The following FBXL17 variants were observed in gnomAD, a reference collection of about 807,000 sequenced individuals.
FBXL17 encodes the protein F-box/LRR-repeat protein 17.
A neutral mutation model predicts 66.2 loss-of-function variants in FBXL17; 22 were observed. That is an observed-to-expected ratio of 0.33 (90% CI 0.24 to 0.47). The LOEUF is 0.47. Ranked by LOEUF, FBXL17 falls within the 20% of genes least tolerant of loss-of-function variation. The probability of loss-of-function intolerance (pLI) is 1.00; values close to 1 mark genes in which losing one functional copy is unlikely to be tolerated. For missense variants in FBXL17, 878 were observed against 948.2 expected (o/e 0.93, Z 0.97); for synonymous variants, 474 against 400.5 (o/e 1.18, Z -2.19).
intron 6 of FBXL17, among the ~76,000 whole-genome samples, chr5:108,030,965 GA>G (rs1746601469): frequency 6.6e-6 from 1 of 152,044 alleles, no homozygotes; most frequent in African/African-American, 2.4e-5. Context: ...ATCTTTTATT[GA>G]AAGGTAAGCA....
rs1270213298 is a variant in FBXL17, at chr5:107,859,706, C to A, written c.*2014G>T. 6.6e-6 allele frequency: 1 copy of A among 151,924 alleles called. No individual in the cohort carries two copies. Among genetic ancestry groups the A allele is most frequent in the Admixed American group, 6.6e-5 (1 of 15,242 alleles). The allele number at this position is 151,924 out of a possible 1,614,324, so 9.4% of individuals were successfully genotyped here. A position where few individuals can be genotyped will look rare whatever the true frequency, so the allele number is the denominator to read the frequency against. On this transcript the variant is annotated 3_prime_UTR_variant, in exon 9 of 9. Coordinates refer to ENST00000542267, the MANE Select transcript of FBXL17 (RefSeq NM_001163315.3). ...ATTACAACTTTGAACTGAAATGGTA[C>A]CATCTATATCATAGATGGCTCTCCC...
intron 6 of FBXL17, among the ~76,000 whole-genome samples, chr5:108,182,830 G>C (rs1753060546): frequency 6.6e-6 from 1 of 152,016 alleles, no homozygotes; most frequent in Non-Finnish European, 1.5e-5. Context: ...TAAAGAACTA[G>C]AAGATTAGAA....
At chr5:108,375,611 C>T (rs59704928) in intron 1 of FBXL17, among the ~76,000 whole-genome samples, 10,334 of 151,818 alleles carry the variant, frequency 0.068, 1,196 homozygotes, top group African/African-American at 0.24. Context: ...ATGTACAGCA[C>T]GTAAAAAGAT....
intron 6 of FBXL17, among the ~76,000 whole-genome samples, chr5:108,103,821 T>C (rs893485685): frequency 6.6e-6 from 1 of 152,210 alleles, no homozygotes; most frequent in East Asian, 1.9e-4. Flanking sequence ...TACATGTATT[T>C]GACTTCTCAA....
intron 7 of FBXL17, among the ~76,000 whole-genome samples, chr5:107,986,299 T>C (rs535468713): frequency 1.3e-5 from 2 of 152,062 alleles, no homozygotes; most frequent in South Asian, 2.1e-4. Flanking sequence ...TCTAATAGAC[T>C]TATTTTGTTA....
intron 6 of FBXL17, among the ~76,000 whole-genome samples, chr5:108,109,142 C>T (rs1203564122): frequency 6.6e-6 from 1 of 152,046 alleles, no homozygotes; most frequent in Non-Finnish European, 1.5e-5. Context: ...AAGGGAAATA[C>T]CTGAGATTTA....
chr5:108,166,114 G>C (rs1173879002), intron 6 of FBXL17, among the ~76,000 whole-genome samples: 1 of 152,120 alleles, frequency 6.6e-6, no homozygotes, highest in Non-Finnish European at 1.5e-5. Context: ...TGACATTGAG[G>C]TATATATATA....
intron 4 of FBXL17, among the ~76,000 whole-genome samples, chr5:108,273,865 T>G: frequency 6.6e-6 from 1 of 151,806 alleles, no homozygotes; most frequent in East Asian, 1.9e-4. Flanking sequence ...ATATATAGCA[T>G]TAGAATGAAA....
intron 7 of FBXL17, among the ~76,000 whole-genome samples, chr5:107,924,063 T>C: frequency 1.8e-5 from 1 of 56,262 alleles, no homozygotes. Context: ...GCTTAGTGTT[T>C]TTTTTTTTTT....
chr5:107,946,354 A>C (rs1175458631), intron 7 of FBXL17, among the ~76,000 whole-genome samples: 1 of 134,906 alleles, frequency 7.4e-6, no homozygotes, highest in Non-Finnish European at 1.6e-5. Flanking sequence ...AAGTGCAGTG[A>C]CATGATCATG....
chr5:107,986,842 G>T (rs914313816), intron 7 of FBXL17, among the ~76,000 whole-genome samples: 2 of 151,934 alleles, frequency 1.3e-5, no homozygotes, highest in African/African-American at 4.8e-5. Context: ...CTAAGAATCA[G>T]ATTTGAGGGT....
At chr5:108,083,287 T>C (rs1748845388) in intron 6 of FBXL17, among the ~76,000 whole-genome samples, 1 of 150,930 alleles carries the variant, frequency 6.6e-6, no homozygotes, top group South Asian at 2.1e-4. Context: ...AGACAGCAGC[T>C]TCTTTTATCA....
intron 6 of FBXL17, among the ~76,000 whole-genome samples, chr5:108,090,906 G>C (rs1749163568): frequency 6.8e-6 from 1 of 147,102 alleles, no homozygotes; most frequent in African/African-American, 2.6e-5. Flanking sequence ...GTATTTTATA[G>C]GTTAAACATG....
At chr5:108,207,862 G>A (rs1322511170) in intron 5 of FBXL17, among the ~76,000 whole-genome samples, 1 of 152,094 alleles carries the variant, frequency 6.6e-6, no homozygotes, top group Non-Finnish European at 1.5e-5. Flanking sequence ...TGGGTCAAAT[G>A]GTATTTCTAG....
chr5:108,174,617 G>C (rs1439306009), intron 6 of FBXL17, among the ~76,000 whole-genome samples: 1 of 151,904 alleles, frequency 6.6e-6, no homozygotes, highest in East Asian at 1.9e-4. Context: ...GTGTGTTTAG[G>C]TTCATAGTAG....
intron 6 of FBXL17, among the ~76,000 whole-genome samples, chr5:108,163,441 C>A (rs1024899198): frequency 9.0e-5 from 13 of 145,076 alleles, no homozygotes; most frequent in African/African-American, 3.4e-4. Flanking sequence ...TGGTCTGTCG[C>A]CCAGGCTGGA....
chr5:107,894,998 C>T (rs935371992), intron 7 of FBXL17, among the ~76,000 whole-genome samples: 2 of 152,028 alleles, frequency 1.3e-5, no homozygotes, highest in Admixed American at 1.3e-4. Flanking sequence ...GCAGGCACTT[C>T]TCCCTTTTCC....
intron 7 of FBXL17, among the ~76,000 whole-genome samples, chr5:107,953,211 G>A (rs1477824515): frequency 2.0e-5 from 3 of 151,936 alleles, no homozygotes; most frequent in Non-Finnish European, 2.9e-5. Flanking sequence ...GACCATCCTG[G>A]CTAACACGGT....
chr5:107,877,214 C>G (rs1242032364), intron 8 of FBXL17, among the ~76,000 whole-genome samples: 2 of 152,200 alleles, frequency 1.3e-5, no homozygotes, highest in Non-Finnish European at 2.9e-5. Context: ...TTTACAACTG[C>G]CTGGGGAATG....
Sources: allele counts gnomAD v4.1 joint callset (sites outside exome capture counted in the v4.1 genomes callset), GRCh38; gene constraint gnomAD v4.1.1; transcripts MANE v1.5; gene names NCBI Gene and HGNC (gene_info 2026-07-23, HGNC 2026-07-21).